The following EPHA5 variants were observed in gnomAD, a reference collection of about 807,000 sequenced individuals.
EPHA5 encodes ephrin type-A receptor 5.
In EPHA5, 60 loss-of-function variants were observed where a neutral mutation model predicts 105.0. That is an observed-to-expected ratio of 0.57 (90% CI 0.46 to 0.71). EPHA5 has a LOEUF of 0.71. EPHA5 is among the 30% of genes least tolerant of loss of function. The pLI is 0.00. For synonymous variants in EPHA5, 513 were observed against 449.1 expected (o/e 1.14, Z -1.80); for missense variants, 1,218 against 1,274.7 (o/e 0.96, Z 0.68).
At chr4:65,643,268 A>G in intron 2 of EPHA5, 95 bp downstream of exon 2, 2 of 1,001,018 alleles carry the variant, frequency 2.0e-6, no homozygotes, top group Non-Finnish European at 3.1e-6. Context: ...TGTCTTAACA[A>G]CATATACATC....
chr4:65,378,169 A>T (rs1719194920), intron 8 of EPHA5, among the ~76,000 whole-genome samples: 1 of 151,970 alleles, frequency 6.6e-6, no homozygotes, highest in Non-Finnish European at 1.5e-5. Flanking sequence ...TGTAGCACTG[A>T]CAATATTTTA....
chr4:65,631,313 A>G, intron 2 of EPHA5, among the ~76,000 whole-genome samples: 1 of 152,170 alleles, frequency 6.6e-6, no homozygotes, highest in South Asian at 2.1e-4. Context: ...AAGTTTATAT[A>G]CATAATACCA....
intron 3 of EPHA5, among the ~76,000 whole-genome samples, chr4:65,542,467 T>C (rs1307634508): frequency 2.0e-5 from 3 of 151,856 alleles, no homozygotes; most frequent in African/African-American, 7.3e-5. Context: ...AACTAGAAAA[T>C]CTAGAAGAAA....
chr4:65,369,340 A>C (rs1168517129), intron 8 of EPHA5, among the ~76,000 whole-genome samples: 1 of 152,166 alleles, frequency 6.6e-6, no homozygotes, highest in Admixed American at 6.6e-5. Flanking sequence ...AACTCTAAAG[A>C]AGTGATTTTA....
intron 3 of EPHA5, among the ~76,000 whole-genome samples, chr4:65,561,100 C>G (rs568702691): frequency 6.6e-6 from 1 of 151,834 alleles, no homozygotes; most frequent in South Asian, 2.1e-4. Flanking sequence ...TTTTCTATCC[C>G]CGATAGGCTA....
chr4:65,530,037 G>C (rs548965610), intron 3 of EPHA5, among the ~76,000 whole-genome samples: 3 of 151,990 alleles, frequency 2.0e-5, no homozygotes, highest in Non-Finnish European at 4.4e-5. Flanking sequence ...GTTGTGACAG[G>C]TGCCAGGTGA....
intron 5 of EPHA5, among the ~76,000 whole-genome samples, chr4:65,428,889 C>T (rs1227452355): frequency 1.3e-5 from 2 of 151,986 alleles, no homozygotes; most frequent in African/African-American, 2.4e-5. Context: ...AACTATATCA[C>T]TGGCACTCAT....
At chr4:65,382,596 T>C (rs1164399518) in intron 8 of EPHA5, among the ~76,000 whole-genome samples, 6 of 151,854 alleles carry the variant, frequency 4.0e-5, no homozygotes, top group African/African-American at 1.4e-4. Context: ...TATTCTTTAA[T>C]AGTGAAGAAA....
At chr4:65,336,739 C>T (rs1228623188) in intron 14 of EPHA5, among the ~76,000 whole-genome samples, 3 of 152,124 alleles carry the variant, frequency 2.0e-5, no homozygotes, top group East Asian at 3.9e-4. Context: ...TTATAAATAT[C>T]CTTGATTTTA....
chr4:65,400,037 A>C (rs1001935768), intron 8 of EPHA5, among the ~76,000 whole-genome samples: 10 of 152,208 alleles, frequency 6.6e-5, no homozygotes, highest in African/African-American at 2.4e-4. Context: ...AGTCAATTTT[A>C]TATCAATAAT....
At chr4:65,371,102 T>G (rs2148904822) in intron 8 of EPHA5, among the ~76,000 whole-genome samples, 1 of 152,270 alleles carries the variant, frequency 6.6e-6, no homozygotes, top group African/African-American at 2.4e-5. Context: ...TTTTTCTGAA[T>G]GGAAAATAAA....
chr4:65,520,719 T>A (rs1734611747), intron 3 of EPHA5, among the ~76,000 whole-genome samples: 1 of 152,052 alleles, frequency 6.6e-6, no homozygotes, highest in South Asian at 2.1e-4. Context: ...GTGAAGGATG[T>A]GAACAGACAC....
At chr4:65,340,098 T>C (rs888198399) in intron 14 of EPHA5, among the ~76,000 whole-genome samples, 2 of 152,156 alleles carry the variant, frequency 1.3e-5, no homozygotes, top group Admixed American at 1.3e-4. Flanking sequence ...ACTCTCTCTA[T>C]GCCAATTGTA....
intron 14 of EPHA5, among the ~76,000 whole-genome samples, chr4:65,340,883 T>A (rs1721647554): frequency 6.6e-6 from 1 of 152,088 alleles, no homozygotes; most frequent in Admixed American, 6.5e-5. Flanking sequence ...GCATAAAGCT[T>A]ACTTTATGCA....
chr4:65,516,540 CTGTG>C (rs145854803), intron 3 of EPHA5, among the ~76,000 whole-genome samples: 4 of 150,516 alleles, frequency 2.7e-5, no homozygotes, highest in Non-Finnish European at 5.9e-5. Context: ...AGGGTCAACT[CTGTG>C]TGTGTGTGTG....
At position 65,354,706 on chromosome 4, in the gene EPHA5, T is replaced by C. The variant is rs1025405490; in HGVS notation, c.2174-1603A>G. On this transcript the variant is annotated intron_variant, in intron 11 of 16. Transcript: ENST00000613740. ...GAATGACAGCTTGCATATTTACACA[T>C]ATCATATTATCCAGAAGTACAACTA... 9.2e-5 allele frequency among the ~76,000 whole-genome samples: 14 copies of C among 151,814 alleles called. No homozygotes were observed. The East Asian group carries it at 2.1e-3, about 23-fold the overall frequency.
intron 8 of EPHA5, among the ~76,000 whole-genome samples, chr4:65,393,299 C>A (rs915887958): frequency 1.3e-5 from 2 of 152,136 alleles, no homozygotes; most frequent in Non-Finnish European, 2.9e-5. Flanking sequence ...ACTTCTCTAT[C>A]CTCTCCTTAG....
At chr4:65,641,020 C>G (rs1185742427) in intron 2 of EPHA5, among the ~76,000 whole-genome samples, 1 of 152,044 alleles carries the variant, frequency 6.6e-6, no homozygotes, top group Non-Finnish European at 1.5e-5. Flanking sequence ...TGACAAATTC[C>G]CAGCTGAGAA....
At chr4:65,389,476 T>C (rs1470133896) in intron 8 of EPHA5, among the ~76,000 whole-genome samples, 1 of 152,074 alleles carries the variant, frequency 6.6e-6, no homozygotes, top group African/African-American at 2.4e-5. Context: ...AACAGGTTTC[T>C]CTTTGTATTA....
Sources: allele counts gnomAD v4.1 joint callset (sites outside exome capture counted in the v4.1 genomes callset), GRCh38; gene constraint gnomAD v4.1.1; transcripts MANE v1.5; gene names NCBI Gene and HGNC (gene_info 2026-07-23, HGNC 2026-07-21).